Variants in P3H2 observed in about 807,000 individuals in gnomAD.
P3H2 encodes the protein leprecan-like 1.
Under a neutral mutation model 87.0 loss-of-function variants are expected in P3H2, and 80 were observed. The ratio of observed to expected loss-of-function variants is 0.92; its 90% confidence interval spans 0.77 to 1.11. P3H2 has a LOEUF of 1.11. Among genes scored for constraint, P3H2 ranks in the 50% least tolerant of loss-of-function variants. The pLI is 0.00. For synonymous variants in P3H2, 367 were observed against 359.3 expected (o/e 1.02, Z -0.24); for missense variants, 1,001 against 923.9 (o/e 1.08, Z -1.08).
chr3:189,973,253 TATA>T, intron 10 of P3H2: 1 of 532,034 alleles, frequency 1.9e-6, no homozygotes, highest in Non-Finnish European at 3.4e-6. Context: ...TCTCTTCTAT[TATA>T]ATATGTTCTA....
At chr3:190,025,773 C>T (rs1253331688) in intron 1 of P3H2, among the ~76,000 whole-genome samples, 2 of 152,048 alleles carry the variant, frequency 1.3e-5, no homozygotes, top group East Asian at 3.9e-4. Context: ...ACATAATAAA[C>T]CTCAGTCGGG....
At chr3:189,970,191 AATATATATAT>A (rs71175322) in intron 13 of P3H2, among the ~76,000 whole-genome samples, 1,065 of 53,968 alleles carry the variant, frequency 0.02, 117 homozygotes, top group African/African-American at 0.044. Flanking sequence ...TATATATGCA[AATATATATAT>A]ATATATATAT....
In P3H2 at chr3:189,994,118, C is replaced by A. The variant is rs779423721; in HGVS notation, c.799G>T (p.Ala267Ser). ...CCTGCAATAGCTTCATACAGACCAGCCTTATACCCTAAATACTCATATTCT... is the reference window on the plus strand; with the variant it reads ...CCTGCAATAGCTTCATACAGACCAGACTTATACCCTAAATACTCATATTCT... ...FEEYEYLGYKAGLYEAIADHY... is the reference protein window; with the variant it reads ...FEEYEYLGYKSGLYEAIADHY... The change falls in exon 3 of 15, where the codon GCT (alanine) becomes TCT (serine). Residue 267 changes from alanine (A) to serine (S), a missense_variant. Ala to Ser is a moderately conservative substitution (Grantham distance 99, BLOSUM62 1). Transcript: ENST00000319332. 15 of 1,613,036 alleles carry A rather than the reference C, an allele frequency of 9.3e-6. 1 individual carries two copies. In the Admixed American group the frequency reaches 1.8e-4, roughly 20 times the overall value.
chr3:190,120,144 A>C, intron 1 of P3H2, 108 bp downstream of exon 1: 1 of 1,296,814 alleles, frequency 7.7e-7, no homozygotes, highest in South Asian at 1.3e-5. Context: ...ATATTTAAGG[A>C]GACCCAATTC....
chr3:190,032,913 T>C (rs1725302614), intron 1 of P3H2, among the ~76,000 whole-genome samples: 1 of 152,202 alleles, frequency 6.6e-6, no homozygotes, highest in African/African-American at 2.4e-5. Flanking sequence ...TTTATTTCTA[T>C]TATTATTACA....
intron 1 of P3H2, among the ~76,000 whole-genome samples, chr3:190,088,662 T>A (rs1238614919): frequency 1.3e-5 from 2 of 152,220 alleles, no homozygotes; most frequent in Non-Finnish European, 2.9e-5. Context: ...TAGGTTTTTC[T>A]TCCCAGAATA....
intron 1 of P3H2, among the ~76,000 whole-genome samples, chr3:190,107,527 G>A (rs1711895687): frequency 2.0e-5 from 3 of 152,152 alleles, no homozygotes; most frequent in African/African-American, 7.2e-5. Context: ...TATGAGTTGA[G>A]CAGTTTTTAT....
At chr3:189,993,322 C>CAAA (rs11337333) in intron 3 of P3H2, among the ~76,000 whole-genome samples, 1 of 124,806 alleles carries the variant, frequency 8.0e-6, no homozygotes, top group Non-Finnish European at 1.7e-5. Flanking sequence ...AACTCTGTCT[C>CAAA]AAAAAAAAAA....
rs534066475 is a variant in P3H2 at position 190,089,938 on chromosome 3, C to A, written c.480+30314G>T. Among the ~76,000 whole-genome samples, 47 of 151,870 alleles carry A rather than the reference C, an allele frequency of 3.1e-4. No individual in the cohort carries two copies. The South Asian group carries it at 9.6e-3, about 31-fold the overall frequency. On this transcript the variant is annotated intron_variant, in intron 1 of 14. Coordinates refer to ENST00000319332, the MANE Select transcript of P3H2 (RefSeq NM_018192.4). ...AGGGTGAAGAAATGATGAATGGGGA[C>A]GTTTGTTGGGGAGGCTTCCTGGGTC...
rs185332831 is a variant in P3H2 at position 190,046,228 on chromosome 3, C to G, written c.481-50786G>C. 3.3e-3 allele frequency among the ~76,000 whole-genome samples: 495 copies of G among 152,150 alleles called. 1 individual carries two copies. Among genetic ancestry groups the G allele is most frequent in the Middle Eastern group, 0.01 (3 of 290 alleles). On this transcript the variant is annotated intron_variant, in intron 1 of 14. Coordinates refer to ENST00000319332, the MANE Select transcript of P3H2 (RefSeq NM_018192.4). Reference sequence around the variant, plus strand: ...CACAATCGTGTATGCCGTTTCCTTGCAGTACATCTCTTGTGATCTATCTGG... The same window carrying G: ...CACAATCGTGTATGCCGTTTCCTTGGAGTACATCTCTTGTGATCTATCTGG...
At chr3:190,105,989 G>T (rs1248907561) in intron 1 of P3H2, among the ~76,000 whole-genome samples, 1 of 152,184 alleles carries the variant, frequency 6.6e-6, no homozygotes, top group Non-Finnish European at 1.5e-5. Flanking sequence ...CTATGATGAA[G>T]AAATGTTTGT....
At chr3:190,017,640 G>C (rs1172850774) in intron 1 of P3H2, among the ~76,000 whole-genome samples, 1 of 152,158 alleles carries the variant, frequency 6.6e-6, no homozygotes, top group Non-Finnish European at 1.5e-5. Context: ...ACACCCCTAA[G>C]CCACAATGTA....
intron 1 of P3H2, among the ~76,000 whole-genome samples, chr3:190,079,657 C>T (rs1437077423): frequency 6.6e-6 from 1 of 152,148 alleles, no homozygotes; most frequent in African/African-American, 2.4e-5. Flanking sequence ...ACCTTCTCAA[C>T]AGAGTACCTA....
intron 1 of P3H2, among the ~76,000 whole-genome samples, chr3:190,106,493 T>C (rs1169130188): frequency 6.6e-6 from 1 of 152,158 alleles, no homozygotes; most frequent in African/African-American, 2.4e-5. Flanking sequence ...TTGCCCTTTA[T>C]ATTCCCTTAG....
At chr3:190,037,278 C>CA (rs1268321697) in intron 1 of P3H2, among the ~76,000 whole-genome samples, 2 of 151,908 alleles carry the variant, frequency 1.3e-5, no homozygotes, top group African/African-American at 4.8e-5. Context: ...AAAGGAGAAG[C>CA]AAATTATAAG....
chr3:190,120,651 C>T lies in P3H2; in HGVS notation c.81G>A (p.Pro27=), dbSNP rs755023107. 1.5e-5 allele frequency: 23 copies of T among 1,525,546 alleles called. No individual in the cohort carries two copies. The Middle Eastern group carries it at 7.8e-4, about 52-fold the overall frequency. 94.5% of individuals were successfully genotyped at this position (1,525,546 alleles called of 1,614,324 possible). ...GCTCCAGCTCCCGGCGTGGGCTGTC[C>T]GGGGGGCCGCCCCACAGTGGCGGCG... ...LLPPPLWGGP[P]DSPRRELELE... is the part of the protein sequence containing the mutation. Residue 27 remains proline (P), a synonymous_variant, in exon 1 of 15, where the codon CCG becomes CCA. Coordinates refer to ENST00000319332, the MANE Select transcript of P3H2 (RefSeq NM_018192.4).
At chr3:190,053,031 T>C (rs754148604) in intron 1 of P3H2, among the ~76,000 whole-genome samples, 2 of 152,192 alleles carry the variant, frequency 1.3e-5, no homozygotes, top group Non-Finnish European at 2.9e-5. Context: ...CTTCTTTCAC[T>C]CAGAAGAACT....
At chr3:190,112,582 G>A (rs1207412235) in intron 1 of P3H2, among the ~76,000 whole-genome samples, 1 of 149,696 alleles carries the variant, frequency 6.7e-6, no homozygotes, top group Non-Finnish European at 1.5e-5. Flanking sequence ...TACTTTCATT[G>A]TGTAGACTAC....
chr3:190,084,754 G>A (rs1169922673), intron 1 of P3H2, among the ~76,000 whole-genome samples: 1 of 152,026 alleles, frequency 6.6e-6, no homozygotes, highest in African/African-American at 2.4e-5. Flanking sequence ...ACAAGTTTAG[G>A]GTTAACACAG....
Sources: gnomAD v4.1 joint callset for allele counts (sites outside exome capture counted in the v4.1 genomes callset) on GRCh38, gnomAD v4.1.1 for gene constraint, MANE v1.5 for transcripts, NCBI Gene and HGNC (gene_info 2026-07-23, HGNC 2026-07-21) for gene names.